The following SDK1 variants were observed in gnomAD, a reference collection of about 807,000 sequenced individuals.
SDK1 encodes protein sidekick-1.
Under a neutral mutation model 245.5 loss-of-function variants are expected in SDK1, and 157 were observed. The ratio of observed to expected loss-of-function variants is 0.64; its 90% confidence interval spans 0.56 to 0.73. The LOEUF (loss-of-function observed/expected upper bound fraction) is 0.73, where lower values mean the gene tolerates loss of function less well. Among genes scored for constraint, SDK1 ranks in the 30% least tolerant of loss-of-function variants. SDK1 has a pLI of 0.00. For synonymous variants in SDK1, 1,647 were observed against 1,278.5 expected, an observed-to-expected ratio of 1.29 and a Z score of -6.15; for missense variants, 3,583 against 3,002.3, an observed-to-expected ratio of 1.19 and a Z score of -4.52.
At chr7:3,386,128 T>C (rs999844800) in intron 1 of SDK1, among the ~76,000 whole-genome samples, 3 of 152,186 alleles carry the variant, frequency 2.0e-5, no homozygotes, top group African/African-American at 4.8e-5. Context: ...ATGTTAAAAT[T>C]GATAACTTTA....
intron 1 of SDK1, among the ~76,000 whole-genome samples, chr7:3,471,379 A>G: frequency 6.6e-6 from 1 of 152,136 alleles, no homozygotes; most frequent in East Asian, 1.9e-4. Context: ...GATTATTTTT[A>G]TTAGAACTTA....
In SDK1 at chr7:3,906,366, T is replaced by C. The variant is rs1483773788; in HGVS notation, c.848-44557T>C. Reference sequence around the variant, plus strand: ...TTTCAGAACATACTAATCTTTACAATGGTGGCTGTATGCGTATGTGTGTGT... The same window carrying C: ...TTTCAGAACATACTAATCTTTACAACGGTGGCTGTATGCGTATGTGTGTGT... On this transcript the variant is annotated intron_variant, in intron 5 of 44. Coordinates refer to ENST00000404826, the MANE Select transcript of SDK1 (RefSeq NM_152744.4). 5.9e-5 allele frequency among the ~76,000 whole-genome samples: 9 copies of C among 151,910 alleles called. No homozygotes were observed. In the East Asian group the frequency reaches 1.7e-3, roughly 29 times the overall value.
chr7:4,129,337 G>A (rs1784628056), intron 26 of SDK1, among the ~76,000 whole-genome samples: 1 of 142,678 alleles, frequency 7.0e-6, no homozygotes, highest in South Asian at 2.4e-4. Flanking sequence ...TTGGGGTGGG[G>A]TGCCCTGGAG....
intron 4 of SDK1, among the ~76,000 whole-genome samples, chr7:3,684,345 C>G (rs754930400): frequency 1.3e-5 from 2 of 152,220 alleles, no homozygotes; most frequent in Non-Finnish European, 2.9e-5. Context: ...TCAGCCTCCC[C>G]TCCCCCTTCC....
intron 22 of SDK1, among the ~76,000 whole-genome samples, chr7:4,092,969 T>G (rs890410053): frequency 7.9e-5 from 12 of 152,204 alleles, no homozygotes; most frequent in East Asian, 3.9e-4. Context: ...AAAGTTTCCT[T>G]TAGATGCTAA....
chr7:3,988,155 T>TAA lies in SDK1; in HGVS notation c.2131+833_2131+834insAA, dbSNP rs1562626468. ...ATGTTTTTTTTTTTTTTTTTTTTTT[T>TAA]TTACCTCACTCCTGCAGCCACCCAA... On this transcript the variant is annotated intron_variant, in intron 14 of 44. Coordinates refer to ENST00000404826, the MANE Select transcript of SDK1 (RefSeq NM_152744.4). Among the ~76,000 whole-genome samples, 522 of 142,472 alleles carry TAA rather than the reference T, an allele frequency of 3.7e-3. 3 individuals carry two copies. Among genetic ancestry groups the TAA allele is most frequent in the African/African-American group, 0.014 (492 of 36,202 alleles). The allele number at this position is 142,472 out of a possible 152,430, so 93.5% of individuals were successfully genotyped here.
intron 4 of SDK1, among the ~76,000 whole-genome samples, chr7:3,722,997 G>A (rs1205132477): frequency 1.3e-5 from 2 of 152,212 alleles, no homozygotes; most frequent in East Asian, 3.8e-4. Flanking sequence ...TTTGGGAGAA[G>A]AAAAGAAGTA....
intron 17 of SDK1, among the ~76,000 whole-genome samples, chr7:4,024,300 A>C (rs971949121): frequency 2.6e-5 from 4 of 152,228 alleles, no homozygotes; most frequent in African/African-American, 9.6e-5. Flanking sequence ...TCTGTTTGCA[A>C]GCCCCATTCT....
chr7:3,864,025 T>C (rs76832995), intron 5 of SDK1, among the ~76,000 whole-genome samples: 8,072 of 152,286 alleles, frequency 0.053, 701 homozygotes, highest in African/African-American at 0.18. Context: ...TCCACAATGA[T>C]CACAGTGGTC....
chr7:3,464,700 A>G (rs28528961), intron 1 of SDK1, among the ~76,000 whole-genome samples: 14,790 of 148,888 alleles, frequency 0.099, 883 homozygotes, highest in African/African-American at 0.16. Context: ...GTATGTATGT[A>G]TATATATATA....
intron 1 of SDK1, among the ~76,000 whole-genome samples, chr7:3,508,220 A>G (rs566003249): frequency 1.5e-4 from 23 of 151,748 alleles, no homozygotes; most frequent in Non-Finnish European, 3.1e-4. Flanking sequence ...TCATGTGGAC[A>G]GTTGGCTGTT....
chr7:4,185,614 G>C (rs1291055211), intron 35 of SDK1, among the ~76,000 whole-genome samples: 2 of 152,160 alleles, frequency 1.3e-5, no homozygotes, highest in East Asian at 1.9e-4. Context: ...CTTGGATGGG[G>C]CAGCTGTCTT....
At chr7:4,021,612 G>A (rs1487595357) in intron 17 of SDK1, among the ~76,000 whole-genome samples, 2 of 152,174 alleles carry the variant, frequency 1.3e-5, no homozygotes, top group Non-Finnish European at 2.9e-5. Flanking sequence ...TGCTGCTGCA[G>A]TGCCAGCCAT....
chr7:3,610,111 G>C (rs889510835), intron 1 of SDK1, among the ~76,000 whole-genome samples: 3 of 152,172 alleles, frequency 2.0e-5, no homozygotes, highest in African/African-American at 7.2e-5. Flanking sequence ...AAATCAATAA[G>C]CTTTGGTTGG....
rs116182096 is a variant in SDK1 at position 4,172,320 on chromosome 7, C to T, written c.4801-1902C>T. Among the ~76,000 whole-genome samples, 579 of 152,274 alleles carry T rather than the reference C, an allele frequency of 3.8e-3. 4 individuals are homozygous for T. Among genetic ancestry groups the T allele is most frequent in the African/African-American group, 0.013 (553 of 41,564 alleles). On this transcript the variant is annotated intron_variant, in intron 32 of 44. Transcript: ENST00000404826. ...CCGGGTACACACGGTGCCCCTCTGG[C>T]ATGTGCGTGTCGCATGCTGCATGCG... is the stretch of plus-strand genomic sequence containing the variant.
intron 8 of SDK1, 132 bp downstream of exon 8, chr7:3,959,146 G>C: frequency 4.0e-6 from 3 of 744,162 alleles, no homozygotes; most frequent in Non-Finnish European, 4.7e-6. Context: ...TCAGAGAGTA[G>C]ATCGGTCTTG....
intron 4 of SDK1, among the ~76,000 whole-genome samples, chr7:3,755,788 C>T (rs144443841): frequency 1.3e-5 from 2 of 152,136 alleles, no homozygotes; most frequent in African/African-American, 4.8e-5. Flanking sequence ...GAACCTGAGT[C>T]CCTTCACGTG....
intron 17 of SDK1, among the ~76,000 whole-genome samples, chr7:4,023,745 A>T (rs906898296): frequency 2.0e-5 from 3 of 152,218 alleles, no homozygotes; most frequent in African/African-American, 7.2e-5. Flanking sequence ...GTTCATATCG[A>T]TGCTGACTCG....
chr7:3,385,465 T>A (rs1297208986), intron 1 of SDK1, among the ~76,000 whole-genome samples: 1 of 151,960 alleles, frequency 6.6e-6, no homozygotes, highest in African/African-American at 2.4e-5. Flanking sequence ...CAGACAATAA[T>A]TTTTTTTCTA....
Sources: allele counts gnomAD v4.1 joint callset (sites outside exome capture counted in the v4.1 genomes callset), GRCh38; gene constraint gnomAD v4.1.1; transcripts MANE v1.5; gene names NCBI Gene and HGNC (gene_info 2026-07-23, HGNC 2026-07-21).